The following SLC6A18 variants were observed in gnomAD, a reference collection of about 807,000 sequenced individuals.
The protein encoded by SLC6A18 is solute carrier family 6 member 18.
A neutral mutation model predicts 62.9 loss-of-function variants in SLC6A18; 58 were observed. That is an observed-to-expected ratio of 0.92 (90% confidence interval 0.75 to 1.15). The LOEUF (loss-of-function observed/expected upper bound fraction) is 1.15, where lower values mean the gene tolerates loss of function less well. Ranked by LOEUF, SLC6A18 falls within the 50% of genes most tolerant of loss-of-function variation. The probability of loss-of-function intolerance (pLI) is 0.00; values close to 1 mark genes in which losing one functional copy is unlikely to be tolerated. For synonymous variants in SLC6A18, 382 were observed against 365.8 expected (o/e 1.04, Z -0.51); for missense variants, 793 against 836.6 (o/e 0.95, Z 0.64).
At chr5:1,244,037 A>G (rs1392218173) in intron 9 of SLC6A18, among the ~76,000 whole-genome samples, 177 bp from the exon 10 acceptor site, 1 of 152,060 alleles carries the variant, frequency 6.6e-6, no homozygotes, top group East Asian at 1.9e-4. Flanking sequence ...ACAATACAGG[A>G]AAGAGACTGG....
intron 6 of SLC6A18, among the ~76,000 whole-genome samples, chr5:1,240,083 C>T (rs750273288): frequency 1.7e-4 from 26 of 152,110 alleles, no homozygotes; most frequent in Admixed American, 6.5e-4. Context: ...CAGCTCTGCC[C>T]GCTGGCGGCC....
At chr5:1,225,829 C>A (rs985116082) in intron 1 of SLC6A18, among the ~76,000 whole-genome samples, 192 bp downstream of exon 1, 2 of 152,172 alleles carry the variant, frequency 1.3e-5, no homozygotes, top group Non-Finnish European at 2.9e-5. Flanking sequence ...GACCTCAGGG[C>A]AGCTTCACCA....
At chr5:1,238,187 T>C in intron 5 of SLC6A18, 127 bp downstream of exon 5, 1 of 752,464 alleles carries the variant, frequency 1.3e-6, no homozygotes, top group South Asian at 1.7e-5. Flanking sequence ...GGCTGCCTGG[T>C]GGTCAGGGGT....
intron 1 of SLC6A18, among the ~76,000 whole-genome samples, chr5:1,228,681 G>C (rs1746644298): frequency 6.6e-6 from 1 of 152,214 alleles, no homozygotes; most frequent in African/African-American, 2.4e-5. Context: ...GCTGCAGCCT[G>C]GGCAACATGG....
chr5:1,242,899 C>A (rs199663444), intron 8 of SLC6A18, 36 bp downstream of exon 8: 1 of 1,554,892 alleles, frequency 6.4e-7, no homozygotes. Flanking sequence ...CAGGCAGGGC[C>A]GTCCACAGGA....
At chr5:1,234,432 C>A (rs998484651) in intron 3 of SLC6A18, among the ~76,000 whole-genome samples, 2 of 152,220 alleles carry the variant, frequency 1.3e-5, no homozygotes, top group Non-Finnish European at 1.5e-5. Context: ...CCCAGCCACA[C>A]TCCAGAAGCG....
rs777309236 is a variant in SLC6A18 at position 1,246,048 on chromosome 5, G to C, written c.1857G>C (p.Thr619=). The change falls in exon 12 of 12, where the codon ACG becomes ACC. Residue 619 remains threonine (T), a synonymous_variant. Transcript: ENST00000324642. ...MRPDTDTRPD[T]DMRPDTDMR is the part of the protein sequence containing the mutation. ...CGGACACGGACACGCGCCCAGACAC[G>C]GACATGCGCCCGGACACGGACATGC... is the stretch of plus-strand genomic sequence containing the variant. The C allele has an allele frequency of 1.4e-5, 23 of 1,590,162 alleles. No individual in the cohort carries two copies. The highest frequency in any genetic ancestry group is 1.8e-5 in the Non-Finnish European group (21 of 1,174,156).
At chr5:1,225,731 T>C in intron 1 of SLC6A18, 94 bp downstream of exon 1, 1 of 1,412,324 alleles carries the variant, frequency 7.1e-7, no homozygotes, top group Non-Finnish European at 9.5e-7. Flanking sequence ...TCCCCAGTGC[T>C]TGGGCAGAGT....
chr5:1,235,539 A>G lies in SLC6A18; in HGVS notation c.498A>G (p.Thr166=). ...TGAGCTACTTCTGGTACCGGCAGACACTGAACATCACAGCCGACATCAATG... is the reference window on the plus strand; with the variant it reads ...TGAGCTACTTCTGGTACCGGCAGACGCTGAACATCACAGCCGACATCAATG... ...SAVSYFWYRQ[T]LNITADINDS... The change falls in exon 4 of 12, where the codon ACA becomes ACG. Residue 166 remains threonine, a synonymous_variant. Coordinates refer to ENST00000324642, the MANE Select transcript of SLC6A18 (RefSeq NM_182632.3). 6.2e-7 allele frequency: 1 copy of G among 1,614,040 alleles called. No homozygotes were observed. The highest frequency in any genetic ancestry group is 1.3e-5 in the African/African-American group (1 of 75,068).
chr5:1,225,795 C>G (rs1169992584), intron 1 of SLC6A18, among the ~76,000 whole-genome samples, 158 bp downstream of exon 1: 2 of 152,222 alleles, frequency 1.3e-5, no homozygotes. Flanking sequence ...TCAGTCCCCT[C>G]AGGGCCCACC....
Position 1,232,217 on chromosome 5 carries a change from A to C in SLC6A18, c.161-2A>C, listed in dbSNP as rs369819906. Reference sequence around the variant, plus strand: ...CAGGTGCTGACCACCCCCTCCTCACAGGGGCCTTCCTCATCCCCTACGTCA... The same window carrying C: ...CAGGTGCTGACCACCCCCTCCTCACCGGGGCCTTCCTCATCCCCTACGTCA... On this transcript the variant is annotated splice_acceptor_variant, in intron 1 of 11. Coordinates refer to ENST00000324642, the MANE Select transcript of SLC6A18 (RefSeq NM_182632.3). LOFTEE classifies it high-confidence loss of function. 4.2e-5 allele frequency: 68 copies of C among 1,609,336 alleles called. No homozygotes were observed. Among genetic ancestry groups the C allele is most frequent in the Non-Finnish European group, 5.8e-5 (68 of 1,178,028 alleles).
At chr5:1,242,518 C>T (rs867812186) in intron 7 of SLC6A18, among the ~76,000 whole-genome samples, 189 bp from the exon 8 acceptor site, 15 of 147,632 alleles carry the variant, frequency 1.0e-4, no homozygotes, top group African/African-American at 2.8e-4. Flanking sequence ...GGCGTCCACA[C>T]GATCCCAACA....
At chr5:1,227,962 AGC>A (rs1746624689) in intron 1 of SLC6A18, among the ~76,000 whole-genome samples, 1 of 152,164 alleles carries the variant, frequency 6.6e-6, no homozygotes, top group Non-Finnish European at 1.5e-5. Context: ...TCACTCATCA[AGC>A]GCGCCCCCTC....
At chr5:1,230,515 GC>G (rs1370859061) in intron 1 of SLC6A18, among the ~76,000 whole-genome samples, 2 of 152,160 alleles carry the variant, frequency 1.3e-5, no homozygotes, top group Non-Finnish European at 2.9e-5. Context: ...GAGCCGTCCG[GC>G]CCCCACATGC....
rs1172978605 is a variant in SLC6A18, at chr5:1,244,717, A to G, written c.1606A>G (p.Ile536Val). 1 of 1,612,822 alleles carries G rather than the reference A, an allele frequency of 6.2e-7. No individual in the cohort carries two copies. The highest frequency in any genetic ancestry group is 1.1e-5 in the South Asian group (1 of 91,040). The change falls in exon 11 of 12, where the codon ATC becomes GTC. Residue 536 changes from isoleucine to valine, a missense_variant. By Grantham distance (29) the Ile-to-Val change is conservative. Coordinates refer to ENST00000324642, the MANE Select transcript of SLC6A18 (RefSeq NM_182632.3). ...LLLTIFVAYI[I>V]LLFWKPLRYK... ...GCTGACCATCTTTGTGGCTTACATC[A>G]TCCTCCTGTTCTGGAAGCCACTGAG...
intron 8 of SLC6A18, 107 bp downstream of exon 8, chr5:1,242,970 C>A: frequency 7.7e-7 from 1 of 1,297,216 alleles, no homozygotes; most frequent in Non-Finnish European, 1.1e-6. Context: ...CCCACAGACC[C>A]AGGGCCAGGG....
rs778319003 is a variant in SLC6A18 at position 1,244,329 on chromosome 5, C to T, written c.1452C>T (p.Ala484=). ...CTTCCCCGAACCTGCTCATGTTGGC[C>T]TTTCTCGAGGTTGTGGGTGTCGTTT... ...FAASPNLLML[A]FLEVVGVVYV... The change falls in exon 10 of 12, where the codon GCC becomes GCT. Residue 484 remains alanine, a synonymous_variant. Transcript: ENST00000324642. 6.2e-7 allele frequency: 1 copy of T among 1,614,144 alleles called. No individual in the cohort carries two copies. The highest frequency in any genetic ancestry group is 8.5e-7 in the Non-Finnish European group (1 of 1,179,996).
At chr5:1,240,269 T>A (rs543054822) in intron 6 of SLC6A18, among the ~76,000 whole-genome samples, 1 of 152,250 alleles carries the variant, frequency 6.6e-6, no homozygotes, top group African/African-American at 2.4e-5. Flanking sequence ...CTCAGCTCCC[T>A]GTGGGCCTAA....
At chr5:1,234,999 T>A (rs2126533010) in intron 3 of SLC6A18, among the ~76,000 whole-genome samples, 1 of 152,328 alleles carries the variant, frequency 6.6e-6, no homozygotes, top group East Asian at 1.9e-4. Flanking sequence ...TGCCTCTGGA[T>A]CCCTGCATCA....
Sources: allele counts gnomAD v4.1 joint callset (sites outside exome capture counted in the v4.1 genomes callset), GRCh38; gene constraint gnomAD v4.1.1; transcripts MANE v1.5; gene names NCBI Gene and HGNC (gene_info 2026-07-23, HGNC 2026-07-21).